CNTNAP2: variants seen among roughly 807,000 people sequenced by gnomAD.
CNTNAP2 encodes the protein contactin-associated protein-like 2.
A neutral mutation model predicts 155.2 loss-of-function variants in CNTNAP2; 98 were observed. That is an observed-to-expected ratio of 0.63 (90% CI 0.54 to 0.75). The LOEUF (loss-of-function observed/expected upper bound fraction) is 0.75, where lower values mean the gene tolerates loss of function less well. Among genes scored for constraint, CNTNAP2 ranks in the 30% least tolerant of loss-of-function variants. The pLI is 0.00. For missense variants in CNTNAP2, 1,727 were observed against 1,688.1 expected, an observed-to-expected ratio of 1.02 and a Z score of -0.40; for synonymous variants, 651 against 631.2, an observed-to-expected ratio of 1.03 and a Z score of -0.47.
At chr7:147,163,477 C>T (rs2116459284) in intron 8 of CNTNAP2, among the ~76,000 whole-genome samples, 1 of 152,182 alleles carries the variant, frequency 6.6e-6, no homozygotes, top group East Asian at 1.9e-4. Flanking sequence ...AAGTTACTTA[C>T]CCAATTTCTC....
chr7:146,236,953 G>T (rs969196695), intron 1 of CNTNAP2, among the ~76,000 whole-genome samples: 1 of 152,190 alleles, frequency 6.6e-6, no homozygotes, highest in African/African-American at 2.4e-5. Context: ...GTAGGCAAGA[G>T]CTCAAGATAG....
intron 15 of CNTNAP2, among the ~76,000 whole-genome samples, chr7:148,001,825 T>C (rs1801904498): frequency 6.6e-6 from 1 of 152,220 alleles, no homozygotes. Context: ...TCTGGTCTAT[T>C]TTTTTCAGGT....
At chr7:147,447,707 A>G (rs2116562216) in intron 10 of CNTNAP2, among the ~76,000 whole-genome samples, 1 of 152,300 alleles carries the variant, frequency 6.6e-6, no homozygotes, top group South Asian at 2.1e-4. Flanking sequence ...GGCATGAGCC[A>G]CTGCACCCAG....
intron 12 of CNTNAP2, among the ~76,000 whole-genome samples, chr7:147,626,458 G>C (rs1370059966): frequency 6.6e-6 from 1 of 152,106 alleles, no homozygotes. Context: ...CATCCCCACA[G>C]TGGCTATAGC....
chr7:146,129,718 G>T (rs142743649), intron 1 of CNTNAP2, among the ~76,000 whole-genome samples: 1 of 152,096 alleles, frequency 6.6e-6, no homozygotes, highest in African/African-American at 2.4e-5. Flanking sequence ...CTTCTATGAA[G>T]TCACATATCC....
chr7:146,490,467 AAC>A, intron 1 of CNTNAP2, among the ~76,000 whole-genome samples: 1 of 152,212 alleles, frequency 6.6e-6, no homozygotes, highest in Non-Finnish European at 1.5e-5. Context: ...AAATGGTCTA[AAC>A]ATGTTTTCCC....
intron 11 of CNTNAP2, among the ~76,000 whole-genome samples, chr7:147,541,476 GTAGT>G (rs1312545119): frequency 6.6e-6 from 1 of 152,172 alleles, no homozygotes; most frequent in Non-Finnish European, 1.5e-5. Context: ...CGTAATATAA[GTAGT>G]TACAGTGAGG....
intron 3 of CNTNAP2, among the ~76,000 whole-genome samples, chr7:146,860,449 T>C (rs923521595): frequency 2.0e-5 from 3 of 152,118 alleles, no homozygotes; most frequent in Admixed American, 1.3e-4. Context: ...GCATTTCCAT[T>C]GACAGAGATC....
intron 20 of CNTNAP2, among the ~76,000 whole-genome samples, chr7:148,251,007 T>G (rs913760162): frequency 1.3e-5 from 2 of 152,090 alleles, no homozygotes; most frequent in Non-Finnish European, 2.9e-5. Flanking sequence ...ACCACCATGC[T>G]CAGCCCATAT....
chr7:146,984,692 A>T (rs1798085467), intron 3 of CNTNAP2, among the ~76,000 whole-genome samples: 2 of 152,172 alleles, frequency 1.3e-5, no homozygotes, highest in African/African-American at 4.8e-5. Flanking sequence ...ATAGCTCCAC[A>T]TCCTCATTAA....
chr7:148,069,254 T>C (rs1305601998), intron 15 of CNTNAP2, among the ~76,000 whole-genome samples: 1 of 152,232 alleles, frequency 6.6e-6, no homozygotes, highest in Non-Finnish European at 1.5e-5. Flanking sequence ...GTCAGCTAAT[T>C]AAAATGTAAA....
At chr7:147,257,191 T>G (rs1409009966) in intron 8 of CNTNAP2, among the ~76,000 whole-genome samples, 1 of 152,148 alleles carries the variant, frequency 6.6e-6, no homozygotes, top group Non-Finnish European at 1.5e-5. Context: ...AAATGGCTAA[T>G]TGTAGAAGTG....
At chr7:147,353,150 T>C (rs146154395) in intron 9 of CNTNAP2, among the ~76,000 whole-genome samples, 3 of 151,888 alleles carry the variant, frequency 2.0e-5, no homozygotes, top group Non-Finnish European at 2.9e-5. Context: ...TATGTACATA[T>C]ATATATGTAT....
chr7:147,341,218 C>T (rs1171154190), intron 9 of CNTNAP2, among the ~76,000 whole-genome samples: 2 of 151,872 alleles, frequency 1.3e-5, no homozygotes, highest in Admixed American at 6.6e-5. Context: ...TGTTCTCACT[C>T]ATAAGTGAGA....
At chr7:147,389,448 C>T (rs978519217) in intron 9 of CNTNAP2, among the ~76,000 whole-genome samples, 1 of 152,178 alleles carries the variant, frequency 6.6e-6, no homozygotes, top group Admixed American at 6.5e-5. Context: ...TTATAACTTA[C>T]AACAATTTAG....
intron 9 of CNTNAP2, among the ~76,000 whole-genome samples, chr7:147,305,958 T>C (rs552660806): frequency 3.8e-4 from 58 of 152,216 alleles, no homozygotes; most frequent in African/African-American, 1.3e-3. Flanking sequence ...GCCTCCATCT[T>C]CACATAGTCT....
In CNTNAP2 at chr7:146,944,510, G is replaced by T. The variant is rs544699851; in HGVS notation, c.403-99397G>T. ...AAAGGAATAATGTTAAGTGGATAAGGTAAAATACTAAGCAGCAACGATGAC... is the reference window on the plus strand; with the variant it reads ...AAAGGAATAATGTTAAGTGGATAAGTTAAAATACTAAGCAGCAACGATGAC... On this transcript the variant is annotated intron_variant, in intron 3 of 23. Transcript: ENST00000361727. 3.4e-3 allele frequency among the ~76,000 whole-genome samples: 518 copies of T among 152,158 alleles called. 3 individuals carry two copies. The highest frequency in any genetic ancestry group is 6.8e-3 in the Middle Eastern group (2 of 294).
At chr7:146,414,412 A>T (rs1356252394) in intron 1 of CNTNAP2, among the ~76,000 whole-genome samples, 1 of 151,234 alleles carries the variant, frequency 6.6e-6, no homozygotes, top group Non-Finnish European at 1.5e-5. Flanking sequence ...CAGAGCTTGT[A>T]GCTTCTCTTG....
intron 3 of CNTNAP2, among the ~76,000 whole-genome samples, chr7:146,887,764 A>G (rs563207030): frequency 6.6e-6 from 1 of 152,280 alleles, no homozygotes; most frequent in African/African-American, 2.4e-5. Flanking sequence ...CTAAGGTGTT[A>G]ATGCAAATTT....
Sources: gnomAD v4.1 joint callset for allele counts (sites outside exome capture counted in the v4.1 genomes callset) on GRCh38, gnomAD v4.1.1 for gene constraint, MANE v1.5 for transcripts, NCBI Gene and HGNC (gene_info 2026-07-23, HGNC 2026-07-21) for gene names.